The following SLC4A4 variants were observed in gnomAD, a reference collection of about 807,000 sequenced individuals.
SLC4A4 encodes the protein electrogenic sodium bicarbonate cotransporter 1.
A neutral mutation model predicts 111.5 loss-of-function variants in SLC4A4; 27 were observed. The observed-to-expected ratio is 0.24, with a 90% CI of 0.18 to 0.33. The LOEUF (loss-of-function observed/expected upper bound fraction) is 0.33, where lower values mean the gene tolerates loss of function less well. Ranked by LOEUF, SLC4A4 falls within the 10% of genes least tolerant of loss-of-function variation. The pLI is 1.00. For missense variants in SLC4A4, 909 were observed against 1,315.5 expected, an observed-to-expected ratio of 0.69 and a Z score of 4.78; for synonymous variants, 443 against 463.4, an observed-to-expected ratio of 0.96 and a Z score of 0.57.
At chr4:71,294,067 C>A (rs1337520103) in intron 3 of SLC4A4, among the ~76,000 whole-genome samples, 1 of 152,178 alleles carries the variant, frequency 6.6e-6, no homozygotes, top group Non-Finnish European at 1.5e-5. Flanking sequence ...CTGACAAAAA[C>A]GTCCAGGAAG....
intron 15 of SLC4A4, among the ~76,000 whole-genome samples, chr4:71,491,594 C>G (rs1341739635): frequency 1.6e-4 from 24 of 151,752 alleles, no homozygotes; most frequent in Admixed American, 1.6e-3. Context: ...GAGATAGTGT[C>G]CTGTCTAGGG....
Position 71,497,709 on chromosome 4 carries a change from T to C in SLC4A4, c.2166+17T>C. 1 of 1,591,378 alleles carries C rather than the reference T, an allele frequency of 6.3e-7. No individual in the cohort carries two copies. The highest frequency in any genetic ancestry group is 1.1e-5 in the South Asian group (1 of 90,584). On this transcript the variant is annotated intron_variant, in intron 16 of 25. Transcript: ENST00000264485. ...CCAACCACAGTAAGTACCTGAACTT[T>C]AAATGATTTTCATTGGATTTACACT... is the stretch of plus-strand genomic sequence containing the variant.
intron 16 of SLC4A4, among the ~76,000 whole-genome samples, chr4:71,513,745 A>G (rs981380728): frequency 1.3e-5 from 2 of 152,164 alleles, no homozygotes; most frequent in African/African-American, 4.8e-5. Context: ...CTCATTCAGT[A>G]TGACATTAGT....
chr4:71,186,755 T>C (rs2148991073), upstream of SLC4A4: 1 of 152,148 alleles, frequency 6.6e-6, no homozygotes, highest in Non-Finnish European at 1.5e-5. Context: ...GATCGCAGGC[T>C]CGCGCTCGCG....
chr4:71,402,166 T>A (rs961622846), intron 7 of SLC4A4, among the ~76,000 whole-genome samples: 21 of 152,342 alleles, frequency 1.4e-4, no homozygotes, highest in African/African-American at 5.0e-4. Context: ...AGTATGCGGA[T>A]GAAACCATTA....
intron 2 of SLC4A4, among the ~76,000 whole-genome samples, chr4:71,253,269 G>T (rs868033063): frequency 2.0e-5 from 3 of 152,060 alleles, no homozygotes; most frequent in Non-Finnish European, 4.4e-5. Flanking sequence ...ACACTTCCTA[G>T]CCAGTAATCT....
chr4:71,276,540 G>T (rs958813208), intron 3 of SLC4A4, among the ~76,000 whole-genome samples: 1 of 150,088 alleles, frequency 6.7e-6, no homozygotes, highest in African/African-American at 2.4e-5. Context: ...CTATATAAAT[G>T]AAATCATATG....
At chr4:71,131,737 G>T (rs1743712882) in intron 2 of SLC4A4, among the ~76,000 whole-genome samples, 1 of 152,050 alleles carries the variant, frequency 6.6e-6, no homozygotes, top group Non-Finnish European at 1.5e-5. Flanking sequence ...AAACATGCTG[G>T]CTCTGGCCTG....
At chr4:71,495,214 T>C (rs762724948) in intron 15 of SLC4A4, among the ~76,000 whole-genome samples, 1 of 152,114 alleles carries the variant, frequency 6.6e-6, no homozygotes, top group Non-Finnish European at 1.5e-5. Context: ...AGTCTTCACC[T>C]CAACCTGAAT....
intron 16 of SLC4A4, among the ~76,000 whole-genome samples, chr4:71,517,887 C>G: frequency 3.6e-5 from 2 of 55,986 alleles, no homozygotes; most frequent in African/African-American, 6.2e-4. Context: ...GGTGAGTGCA[C>G]CTGGCACCTG....
intron 4 of SLC4A4, among the ~76,000 whole-genome samples, chr4:71,345,471 A>C (rs954698435): frequency 6.6e-6 from 1 of 152,170 alleles, no homozygotes; most frequent in Admixed American, 6.5e-5. Flanking sequence ...AGCGTAATTC[A>C]AACTGTGCTG....
intron 16 of SLC4A4, among the ~76,000 whole-genome samples, chr4:71,510,706 T>A (rs991953471): frequency 1.4e-4 from 21 of 152,234 alleles, no homozygotes; most frequent in African/African-American, 5.1e-4. Flanking sequence ...TTAACCCATT[T>A]ACATTCAAGG....
At chr4:71,088,389 AT>A (rs1742261047) in intron 1 of SLC4A4, among the ~76,000 whole-genome samples, 1 of 152,004 alleles carries the variant, frequency 6.6e-6, no homozygotes. Context: ...TAATTGGAGC[AT>A]TTAGCCCATT....
intron 10 of SLC4A4, among the ~76,000 whole-genome samples, chr4:71,450,914 G>A (rs550671349): frequency 1.3e-5 from 2 of 152,312 alleles, no homozygotes; most frequent in South Asian, 4.1e-4. Context: ...AATAGTTGAA[G>A]AGAAACAATT....
chr4:71,088,259 A>G (rs1172651463), intron 1 of SLC4A4, among the ~76,000 whole-genome samples: 1 of 150,488 alleles, frequency 6.6e-6, no homozygotes, highest in East Asian at 1.9e-4. Flanking sequence ...TTTGCTTGGT[A>G]GATCTTCCTC....
At chr4:71,156,588 G>GCGCGCACACACACACACA (rs376043069) in intron 2 of SLC4A4, among the ~76,000 whole-genome samples, 4 of 138,512 alleles carry the variant, frequency 2.9e-5, no homozygotes, top group South Asian at 2.7e-4. Context: ...GCGCGCGCGC[G>GCGCGCACACACACACACA]CACACACACA....
chr4:71,224,767 AAT>A (rs1718952844), intron 1 of SLC4A4, among the ~76,000 whole-genome samples: 1 of 152,210 alleles, frequency 6.6e-6, no homozygotes, highest in Non-Finnish European at 1.5e-5. Flanking sequence ...TGTATGAAGA[AAT>A]ATTCTTGAAG....
intron 13 of SLC4A4, among the ~76,000 whole-genome samples, chr4:71,471,449 G>A (rs1166322075): frequency 1.3e-5 from 2 of 151,864 alleles, no homozygotes; most frequent in East Asian, 3.9e-4. Flanking sequence ...TTACCTGTGG[G>A]TTGGGTAAGA....
upstream of SLC4A4, among the ~76,000 whole-genome samples, chr4:71,185,529 T>C (rs747519558): frequency 2.0e-5 from 3 of 152,242 alleles, no homozygotes; most frequent in Non-Finnish European, 4.4e-5. Flanking sequence ...TGTGAACATA[T>C]ATGTGAGCCA....
Sources: gnomAD v4.1 joint callset for allele counts (sites outside exome capture counted in the v4.1 genomes callset) on GRCh38, gnomAD v4.1.1 for gene constraint, MANE v1.5 for transcripts, NCBI Gene and HGNC (gene_info 2026-07-23, HGNC 2026-07-21) for gene names.